Variants in SV2B observed in about 807,000 individuals in gnomAD.
The protein encoded by SV2B is solute carrier family 22 member B2.
SV2B carries 41 observed loss-of-function variants against 73.9 expected under a neutral mutation model. That is an observed-to-expected ratio of 0.56 (90% CI 0.43 to 0.72). The LOEUF is 0.72. Ranked by LOEUF, SV2B falls within the 30% of genes least tolerant of loss-of-function variation. The probability of loss-of-function intolerance (pLI) is 0.00; values close to 1 mark genes in which losing one functional copy is unlikely to be tolerated. For synonymous variants in SV2B, 314 were observed against 314.2 expected, an observed-to-expected ratio of 1.00 and a Z score of 0.01; for missense variants, 764 against 857.8, an observed-to-expected ratio of 0.89 and a Z score of 1.37.
chr15:91,283,874 A>ACATATTACCTTGACGACATGGCCT lies in SV2B; in HGVS notation c.1508-133_1508-132insGACATGGCCTCATATTACCTTGAC. The stretch of plus-strand genomic sequence containing the variant: ...TCATCCATACCTTGATGACATGGCC[A>ACATATTACCTTGACGACATGGCCT]CATATTACCTTGACTTTGAGGCTGT... On this transcript the variant is annotated intron_variant, in intron 10 of 12. Coordinates refer to ENST00000394232, the MANE Select transcript of SV2B (RefSeq NM_001323032.3). The surrounding 1 kb of genome is among the most constrained non-coding windows in gnomAD (Gnocchi z 4.3). 1.3e-6 allele frequency: 1 copy of ACATATTACCTTGACGACATGGCCT among 786,364 alleles called. No individual in the cohort carries two copies. The highest frequency in any genetic ancestry group is 2.1e-6 in the Non-Finnish European group (1 of 471,482). 48.7% of individuals were successfully genotyped at this position (786,364 alleles called of 1,614,324 possible). A position where few individuals can be genotyped will look rare whatever the true frequency, so the allele number is the denominator to read the frequency against.
chr15:91,274,366 A>T (rs1363111681), intron 9 of SV2B, among the ~76,000 whole-genome samples: 1 of 152,160 alleles, frequency 6.6e-6, no homozygotes, highest in African/African-American at 2.4e-5. Flanking sequence ...TCTTTTCCTT[A>T]AAGGAAACTA....
At position 91,279,857 on chromosome 15, in the gene SV2B, C is replaced by T. The variant is rs2048627789; in HGVS notation, c.1374-1871C>T. Among the ~76,000 whole-genome samples the T allele has an allele frequency of 2.0e-5, 3 of 152,184 alleles. No individual in the cohort carries two copies. In the South Asian group the frequency reaches 6.2e-4, roughly 32 times the overall value. ...TGACATCAGAGGCATCTTCTTGTAA[C>T]AAAAGACTCACCAATTAGTTTTCCC... On this transcript the variant is annotated intron_variant, in intron 9 of 12. Transcript: ENST00000394232.
In SV2B at chr15:91,299,502, A is replaced by G. The variant is rs1275186645; in HGVS notation, c.*6950A>G. The stretch of plus-strand genomic sequence containing the variant: ...TATCATGAGCTAAAGATTTGCAATC[A>G]GAACATTGGTAGAGTGCATTGCTGA... On this transcript the variant is annotated 3_prime_UTR_variant, in exon 13 of 13. Transcript: ENST00000394232. 5 of 152,264 alleles carry G rather than the reference A, an allele frequency of 3.3e-5. No homozygotes were observed. Among genetic ancestry groups the G allele is most frequent in the African/African-American group, 1.2e-4 (5 of 41,472 alleles). The allele number at this position is 152,264 out of a possible 1,614,324, so 9.4% of individuals were successfully genotyped here.
chr15:91,286,264 G>T (rs2141783239), intron 11 of SV2B, among the ~76,000 whole-genome samples: 1 of 152,282 alleles, frequency 6.6e-6, no homozygotes, highest in Non-Finnish European at 1.5e-5. Context: ...GGATGTGGCG[G>T]AACCACTTTG....
In SV2B at chr15:91,288,384, C is replaced by CAT. The variant is rs2048931798; in HGVS notation, c.1709-1130_1709-1129dup. ...GCTAATTAACATATCCATCACCACACATATATATGTTTTGTGGTGAGAATA... is the reference window on the plus strand; with the variant it reads ...GCTAATTAACATATCCATCACCACACATATATATATGTTTTGTGGTGAGAATA... On this transcript the variant is annotated intron_variant, in intron 11 of 12. Coordinates refer to ENST00000394232, the MANE Select transcript of SV2B (RefSeq NM_001323032.3). The surrounding 1 kb of genome is among the most constrained non-coding windows in gnomAD (Gnocchi z 5.8). Among the ~76,000 whole-genome samples the CAT allele has an allele frequency of 6.6e-6, 1 of 152,100 alleles. No homozygotes were observed.
At chr15:91,161,491 G>T (rs910420791) in intron 1 of SV2B, among the ~76,000 whole-genome samples, 5 of 152,200 alleles carry the variant, frequency 3.3e-5, no homozygotes, top group Non-Finnish European at 7.3e-5. Flanking sequence ...AACAATGCAA[G>T]TGATAGTAAT....
chr15:91,113,085 G>C (rs552940991), intron 1 of SV2B, among the ~76,000 whole-genome samples: 1 of 152,244 alleles, frequency 6.6e-6, no homozygotes, highest in African/African-American at 2.4e-5. Flanking sequence ...TCTCACCTTG[G>C]CCTCTCCTAA....
chr15:91,264,866 G>A (rs2141672565), intron 6 of SV2B, among the ~76,000 whole-genome samples: 1 of 152,244 alleles, frequency 6.6e-6, no homozygotes. Context: ...CAGCATGCGT[G>A]CCAGTTACTA....
rs764411131 is a variant in SV2B, at chr15:91,215,516, A to AG, written c.-391-10351dup. ...GAGAGAGAGAGAAAATACACTTTTC[A>AG]GGGGGGAATTGGCAAACATTAACAT... On this transcript the variant is annotated intron_variant, in intron 1 of 12. Coordinates refer to ENST00000394232, the MANE Select transcript of SV2B (RefSeq NM_001323032.3). 3.3e-5 allele frequency among the ~76,000 whole-genome samples: 5 copies of AG among 152,306 alleles called. No homozygotes were observed. In the East Asian group the frequency reaches 7.7e-4, roughly 23 times the overall value.
At position 91,141,603 on chromosome 15, in the gene SV2B, TG is replaced by T. The variant is rs2141187598; in HGVS notation, c.-392+41241del. ...TAATATCTACTTGAGAGGGCTCTTG[TG>T]AAGATTAAATGACAGAATATAAGTA... is the stretch of plus-strand genomic sequence containing the variant. On this transcript the variant is annotated intron_variant, in intron 1 of 12. Transcript: ENST00000394232. This position sits in a 1 kb window ranked among gnomAD's most constrained non-coding sequence, Gnocchi z 4.6. 6.6e-6 allele frequency among the ~76,000 whole-genome samples: 1 copy of T among 152,300 alleles called. No homozygotes were observed. The highest frequency in any genetic ancestry group is 2.4e-5 in the African/African-American group (1 of 41,564).
In SV2B at chr15:91,140,546, C is replaced by T. The variant is rs536301969; in HGVS notation, c.-392+40183C>T. On this transcript the variant is annotated intron_variant, in intron 1 of 12. Transcript: ENST00000394232. This position sits in a 1 kb window ranked among gnomAD's most constrained non-coding sequence, Gnocchi z 4.4. Reference sequence around the variant, plus strand: ...GAAACTGGCCCCTAGTTAGCACTAGCTCATTCATTAGGTCTGCTTCCATTT... The same window carrying T: ...GAAACTGGCCCCTAGTTAGCACTAGTTCATTCATTAGGTCTGCTTCCATTT... Among the ~76,000 whole-genome samples the T allele has an allele frequency of 6.6e-6, 1 of 152,300 alleles. No individual in the cohort carries two copies. Among genetic ancestry groups the T allele is most frequent in the Non-Finnish European group, 1.5e-5 (1 of 68,024 alleles).
At chr15:91,158,698 T>TCTCTTCTCTG (rs1475487106) in intron 1 of SV2B, among the ~76,000 whole-genome samples, 1 of 27,018 alleles carries the variant, frequency 3.7e-5, no homozygotes, top group African/African-American at 1.6e-4. Flanking sequence ...TCTCTTCTCT[T>TCTCTTCTCTG]CTCTCCTCTC....
Position 91,281,675 on chromosome 15 carries a change from T to G in SV2B, c.1374-53T>G. 6.6e-7 allele frequency: 1 copy of G among 1,515,586 alleles called. No individual in the cohort carries two copies. Among genetic ancestry groups the G allele is most frequent in the South Asian group, 1.3e-5 (1 of 74,502 alleles). 93.9% of individuals were successfully genotyped at this position (1,515,586 alleles called of 1,614,324 possible). On this transcript the variant is annotated intron_variant, in intron 9 of 12. Coordinates refer to ENST00000394232, the MANE Select transcript of SV2B (RefSeq NM_001323032.3). The surrounding 1 kb of genome is among the most constrained non-coding windows in gnomAD (Gnocchi z 4.7). ...CTTGCTGTGTTTTCCATTTTGGTCTTAAGTCTCTTTTTTTCTCAGATGAAT... is the reference window on the plus strand; with the variant it reads ...CTTGCTGTGTTTTCCATTTTGGTCTGAAGTCTCTTTTTTTCTCAGATGAAT...
chr15:91,282,170 G>A (rs1283827588), intron 10 of SV2B, among the ~76,000 whole-genome samples: 4 of 152,204 alleles, frequency 2.6e-5, no homozygotes, highest in Admixed American at 1.3e-4. Context: ...TATGAACAAA[G>A]GATGACACAA....
rs1053264598 is a variant in SV2B at position 91,137,785 on chromosome 15, C to A, written c.-392+37422C>A. Among the ~76,000 whole-genome samples, 1 of 151,716 alleles carries A rather than the reference C, an allele frequency of 6.6e-6. No individual in the cohort carries two copies. Among genetic ancestry groups the A allele is most frequent in the Non-Finnish European group, 1.5e-5 (1 of 67,964 alleles). On this transcript the variant is annotated intron_variant, in intron 1 of 12. Transcript: ENST00000394232. The surrounding 1 kb of genome is among the most constrained non-coding windows in gnomAD (Gnocchi z 4.9). ...TAACCTGTAGGTTTATAATGGTGCT[C>A]AGAATAGAACACCTCACTGGTCACT...
chr15:91,176,504 C>A, intron 1 of SV2B, among the ~76,000 whole-genome samples: 1 of 152,156 alleles, frequency 6.6e-6, no homozygotes, highest in Non-Finnish European at 1.5e-5. Context: ...TACAGTCCCA[C>A]CAACAGTGTA....
intron 6 of SV2B, among the ~76,000 whole-genome samples, chr15:91,263,795 G>C (rs1275640760): frequency 6.6e-6 from 1 of 152,186 alleles, no homozygotes; most frequent in Non-Finnish European, 1.5e-5. Flanking sequence ...TTACATCGCA[G>C]AGTGCAGCCT....
At position 91,136,481 on chromosome 15, in the gene SV2B, G is replaced by A. The variant is rs189755510; in HGVS notation, c.-392+36118G>A. 6.6e-6 allele frequency among the ~76,000 whole-genome samples: 1 copy of A among 152,176 alleles called. No homozygotes were observed. The highest frequency in any genetic ancestry group is 1.5e-5 in the Non-Finnish European group (1 of 68,030). Reference sequence around the variant, plus strand: ...ACCAGTGGGAAGGCCCATGCGTCTCGGGTGCTTTGTCCCAGGGAGAGAACT... The same window carrying A: ...ACCAGTGGGAAGGCCCATGCGTCTCAGGTGCTTTGTCCCAGGGAGAGAACT... On this transcript the variant is annotated intron_variant, in intron 1 of 12. Transcript: ENST00000394232. This position sits in a 1 kb window ranked among gnomAD's most constrained non-coding sequence, Gnocchi z 5.6.
At chr15:91,163,334 G>A (rs1014412809) in intron 1 of SV2B, among the ~76,000 whole-genome samples, 5 of 152,150 alleles carry the variant, frequency 3.3e-5, no homozygotes, top group African/African-American at 4.8e-5. Context: ...CTGAGGAATC[G>A]CCACACTGAT....
Sources: gnomAD v4.1 joint callset for allele counts (sites outside exome capture counted in the v4.1 genomes callset) on GRCh38, gnomAD v4.1.1 for gene constraint, Gnocchi (gnomAD v3.1) non-coding constraint, MANE v1.5 for transcripts, NCBI Gene and HGNC (gene_info 2026-07-23, HGNC 2026-07-21) for gene names.